The following LONP2 variants were observed in gnomAD, a reference collection of about 807,000 sequenced individuals.
The protein encoded by LONP2 is lon protease homolog 2, peroxisomal.
A neutral mutation model predicts 85.6 loss-of-function variants in LONP2; 60 were observed. That is an observed-to-expected ratio of 0.70 (90% confidence interval 0.57 to 0.87). The LOEUF (loss-of-function observed/expected upper bound fraction) is 0.87, where lower values mean the gene tolerates loss of function less well. Among genes scored for constraint, LONP2 ranks in the 40% least tolerant of loss-of-function variants. The pLI, the probability that LONP2 is intolerant of heterozygous loss-of-function variation, is 0.00. For missense variants in LONP2, 860 were observed against 1,063.5 expected (o/e 0.81, Z 2.66); for synonymous variants, 395 against 389.7 (o/e 1.01, Z -0.16).
intron 12 of LONP2, among the ~76,000 whole-genome samples, chr16:48,343,525 C>T (rs1959876492): frequency 6.6e-6 from 1 of 151,936 alleles, no homozygotes. Flanking sequence ...TGTGAAACCC[C>T]CGTCTCTACT....
intron 10 of LONP2, among the ~76,000 whole-genome samples, chr16:48,300,033 A>G (rs1456614275): frequency 6.6e-6 from 1 of 152,250 alleles, no homozygotes; most frequent in Non-Finnish European, 1.5e-5. Flanking sequence ...AGAAGTTTAC[A>G]GAGAAACCAT....
downstream of LONP2, among the ~76,000 whole-genome samples, chr16:48,358,103 T>C (rs980154834): frequency 6.6e-6 from 1 of 152,214 alleles, no homozygotes; most frequent in South Asian, 2.1e-4. Context: ...CCAAGAAATA[T>C]GGCTATAGAT....
intron 11 of LONP2, among the ~76,000 whole-genome samples, chr16:48,322,540 T>G (rs148831542): frequency 1.3e-5 from 2 of 152,064 alleles, no homozygotes; most frequent in Admixed American, 1.3e-4. Flanking sequence ...ACAGTTAACT[T>G]CTTTTTTACA....
intron 8 of LONP2, among the ~76,000 whole-genome samples, chr16:48,277,822 A>G (rs932690861): frequency 6.6e-6 from 1 of 150,660 alleles, no homozygotes; most frequent in Non-Finnish European, 1.5e-5. Flanking sequence ...CTTCTTCTGC[A>G]CTTTGACCTC....
chr16:48,291,934 G>C (rs180915155), intron 8 of LONP2, among the ~76,000 whole-genome samples: 35 of 152,242 alleles, frequency 2.3e-4, no homozygotes, highest in Admixed American at 2.1e-3. Flanking sequence ...GTTTATTTTG[G>C]CAACGTTCTC....
intron 9 of LONP2, 126 bp downstream of exon 9, chr16:48,296,291 G>A: frequency 1.9e-6 from 2 of 1,047,344 alleles, no homozygotes; most frequent in Non-Finnish European, 2.8e-6. Context: ...GAAGTTCTGA[G>A]GAATGTATAT....
In LONP2 at chr16:48,258,718, C is replaced by G. The variant is rs145961395; in HGVS notation, c.701C>G (p.Pro234Arg). Residue 234 changes from proline (P) to arginine (R), a missense_variant, in exon 4 of 15, where the codon CCC becomes CGC. By Grantham distance (103) the Pro-to-Arg change is moderately radical (BLOSUM62 -2). This residue lies in a region of LONP2 where 743 missense variants were observed against 917.3 expected (regional missense o/e 0.81). Coordinates refer to ENST00000285737, the MANE Select transcript of LONP2 (RefSeq NM_031490.5). ...AAATTGCTTCAAAAAACCAGAAAACCCAAGCAAGATGATGATAAGAGGGTA... is the reference window on the plus strand; with the variant it reads ...AAATTGCTTCAAAAAACCAGAAAACGCAAGCAAGATGATGATAAGAGGGTA... ...GLKLLQKTRK[P>R]KQDDDKRVIA... 8.0e-5 allele frequency: 129 copies of G among 1,610,066 alleles called. No homozygotes were observed. The highest frequency in any genetic ancestry group is 6.6e-4 in the Middle Eastern group (4 of 6,046).
downstream of LONP2, among the ~76,000 whole-genome samples, chr16:48,358,424 AATT>A (rs1960455220): frequency 6.6e-6 from 1 of 152,150 alleles, no homozygotes; most frequent in Non-Finnish European, 1.5e-5. Flanking sequence ...AACTAACAAA[AATT>A]ATTTTTCCAA....
chr16:48,334,644 G>A, intron 12 of LONP2: 1 of 608,538 alleles, frequency 1.6e-6, no homozygotes. Flanking sequence ...CACAGGCACA[G>A]CATCAGGCGC....
chr16:48,324,257 G>A (rs564868252), intron 11 of LONP2, among the ~76,000 whole-genome samples: 38 of 152,284 alleles, frequency 2.5e-4, no homozygotes, highest in Admixed American at 2.5e-3. Context: ...AGTAGGCTCA[G>A]TTAAAACAAA....
intron 2 of LONP2, among the ~76,000 whole-genome samples, chr16:48,253,289 G>A (rs994758619): frequency 1.3e-5 from 2 of 151,858 alleles, no homozygotes; most frequent in African/African-American, 4.8e-5. Flanking sequence ...AGGCAGCATG[G>A]TGAGATCCCG....
chr16:48,338,958 C>T (rs1032897151), intron 12 of LONP2, among the ~76,000 whole-genome samples: 2 of 152,124 alleles, frequency 1.3e-5, no homozygotes, highest in Non-Finnish European at 2.9e-5. Context: ...GAAGTAGAGA[C>T]ATTTGGACAT....
chr16:48,341,460 A>T lies in LONP2; in HGVS notation c.1939-6047A>T, dbSNP rs550439104. ...GGAGGGGAGGTGGCCACATGCTTTT[A>T]AACAACCACCTCCCACAAGAACTCA... On this transcript the variant is annotated intron_variant, in intron 12 of 14. Coordinates refer to ENST00000285737, the MANE Select transcript of LONP2 (RefSeq NM_031490.5). Among the ~76,000 whole-genome samples, 526 of 152,176 alleles carry T rather than the reference A, an allele frequency of 3.5e-3. 3 individuals are homozygous for T. The highest frequency in any genetic ancestry group is 3.7e-3 in the Admixed American group (57 of 15,280).
rs1463039743 is a variant in LONP2 at position 48,258,632 on chromosome 16, G to A, written c.615G>A (p.Val205=). ...NKEKLQILDA[V]SLEERFKMTI... ...CATTTCCTTAGATTTTAGATGCTGTGAGCCTAGAGGAGCGGTTCAAGATGA... is the reference window on the plus strand; with the variant it reads ...CATTTCCTTAGATTTTAGATGCTGTAAGCCTAGAGGAGCGGTTCAAGATGA... Residue 205 remains valine, a synonymous_variant, in exon 4 of 15, where the codon GTG becomes GTA. Transcript: ENST00000285737. 2 of 1,596,452 alleles carry A rather than the reference G, an allele frequency of 1.3e-6. No homozygotes were observed. Among genetic ancestry groups the A allele is most frequent in the East Asian group, 4.5e-5 (2 of 44,002 alleles).
chr16:48,271,580 C>T (rs1972106626), intron 7 of LONP2, among the ~76,000 whole-genome samples: 1 of 152,054 alleles, frequency 6.6e-6, no homozygotes, highest in South Asian at 2.1e-4. Context: ...AATTCTTACG[C>T]ATTTAAAAAG....
intron 11 of LONP2, among the ~76,000 whole-genome samples, chr16:48,310,418 C>A (rs79496611): frequency 6.6e-6 from 1 of 151,902 alleles, no homozygotes; most frequent in Admixed American, 6.6e-5. Flanking sequence ...ATGGCGCGAT[C>A]TTGGCTCACT....
At chr16:48,246,805 A>C (rs1364957533) in intron 1 of LONP2, among the ~76,000 whole-genome samples, 1 of 151,974 alleles carries the variant, frequency 6.6e-6, no homozygotes, top group Non-Finnish European at 1.5e-5. Flanking sequence ...AAACTCCTGG[A>C]CTCAAGCTAT....
intron 3 of LONP2, 102 bp from the exon 4 acceptor site, chr16:48,258,516 A>C: frequency 8.3e-7 from 1 of 1,209,610 alleles, no homozygotes; most frequent in Non-Finnish European, 1.1e-6. Flanking sequence ...TACTGTTAAT[A>C]ATTTTTTTTT....
chr16:48,317,380 G>A (rs945590786), intron 11 of LONP2, among the ~76,000 whole-genome samples: 1 of 152,160 alleles, frequency 6.6e-6, no homozygotes, highest in African/African-American at 2.4e-5. Context: ...AATGTTTTAT[G>A]ATTCTAAACA....
Sources: allele counts gnomAD v4.1 joint callset (sites outside exome capture counted in the v4.1 genomes callset), GRCh38; gene constraint gnomAD v4.1.1; regional missense constraint gnomAD v4.1.1; transcripts MANE v1.5; gene names NCBI Gene and HGNC (gene_info 2026-07-23, HGNC 2026-07-21).